Variants in PRPH2 observed in about 807,000 individuals in gnomAD.
The protein encoded by PRPH2 is peripherin 2, also known as peripherin-2.
Under a neutral mutation model 31.3 loss-of-function variants are expected in PRPH2, and 17 were observed. The ratio of observed to expected loss-of-function variants is 0.54; its 90% CI spans 0.37 to 0.81. The LOEUF (loss-of-function observed/expected upper bound fraction) is 0.81, where lower values mean the gene tolerates loss of function less well. Ranked by LOEUF, PRPH2 falls within the 40% of genes least tolerant of loss-of-function variation. The pLI, the probability that PRPH2 is intolerant of heterozygous loss-of-function variation, is 0.00. For synonymous variants in PRPH2, 165 were observed against 184.4 expected, an observed-to-expected ratio of 0.89 and a Z score of 0.85; for missense variants, 430 against 439.7, an observed-to-expected ratio of 0.98 and a Z score of 0.20.
chr6:42,715,478 C>T (rs1333346373), intron 1 of PRPH2, among the ~76,000 whole-genome samples: 1 of 152,034 alleles, frequency 6.6e-6, no homozygotes, highest in African/African-American at 2.4e-5. Context: ...CGAGGCCAGC[C>T]TGACCAACAT....
intron 2 of PRPH2, among the ~76,000 whole-genome samples, chr6:42,700,641 C>T (rs1351009142): frequency 6.6e-6 from 1 of 152,182 alleles, no homozygotes; most frequent in Non-Finnish European, 1.5e-5. Context: ...TTGATGTGAA[C>T]GCGTCCACTC....
At chr6:42,721,615 C>T (rs551940413) in intron 1 of PRPH2, 139 bp downstream of exon 1, 2 of 1,006,218 alleles carry the variant, frequency 2.0e-6, no homozygotes, top group Admixed American at 3.4e-5. Context: ...CTGATACACC[C>T]TCACATACGC....
chr6:42,703,993 G>A (rs934616071), intron 2 of PRPH2, among the ~76,000 whole-genome samples: 5 of 151,806 alleles, frequency 3.3e-5, no homozygotes, highest in East Asian at 1.9e-4. Context: ...CCCAGCTATC[G>A]GGAGGCTGAG....
At position 42,699,134 on chromosome 6, in the gene PRPH2, ACTCTAT is replaced by A. The variant is rs374787314; in HGVS notation, c.829-633_829-628del. ...GTGGCGTGGTCTCAGCTCACTACAA[ACTCTAT>A]CTCCTGTGTTCAAGGAATTCTCATG... is the stretch of plus-strand genomic sequence containing the variant. On this transcript the variant is annotated intron_variant, in intron 2 of 2. Transcript: ENST00000230381. Among the ~76,000 whole-genome samples, 67 of 148,666 alleles carry A rather than the reference ACTCTAT, an allele frequency of 4.5e-4. 1 individual carries two copies. Among genetic ancestry groups the A allele is most frequent in the African/African-American group, 1.6e-3 (63 of 40,290 alleles).
intron 1 of PRPH2, among the ~76,000 whole-genome samples, chr6:42,705,599 AATATATATATATATATATATAT>A (rs1194169404): frequency 7.4e-4 from 16 of 21,592 alleles, no homozygotes; most frequent in Admixed American, 1.9e-3. Context: ...AAAAAAAAAA[AATATATATATATATATATATAT>A]ATATATATAT....
intron 1 of PRPH2, among the ~76,000 whole-genome samples, chr6:42,711,647 C>CACAG (rs1047736264): frequency 6.6e-6 from 1 of 152,222 alleles, no homozygotes; most frequent in African/African-American, 2.4e-5. Context: ...GAAGGGGAGA[C>CACAG]ACAGCTCTCT....
chr6:42,702,342 C>A (rs985522856), intron 2 of PRPH2, among the ~76,000 whole-genome samples: 8 of 151,856 alleles, frequency 5.3e-5, no homozygotes, highest in African/African-American at 1.9e-4. Context: ...GATGCACTGG[C>A]TGATAGCATT....
chr6:42,715,311 G>A (rs1437949457), intron 1 of PRPH2, among the ~76,000 whole-genome samples: 1 of 152,102 alleles, frequency 6.6e-6, no homozygotes, highest in Non-Finnish European at 1.5e-5. Flanking sequence ...CCTCCCAAAT[G>A]ACTTGGCAAC....
rs1177186834 is a variant in PRPH2, at chr6:42,722,268, T to G, written c.67A>C (p.Met23Leu). 7 of 1,614,156 alleles carry G rather than the reference T, an allele frequency of 4.3e-6. No individual in the cohort carries two copies. Among genetic ancestry groups the G allele is most frequent in the Non-Finnish European group, 5.9e-6 (7 of 1,180,030 alleles). The change falls in exon 1 of 3, where the codon ATG (methionine) becomes CTG (leucine). Residue 23 changes from methionine (M) to leucine (L), a missense_variant. Met to Leu is a conservative substitution (Grantham distance 15). Transcript: ENST00000230381. This position sits in a 1 kb window ranked among gnomAD's most constrained non-coding sequence, Gnocchi z 4.4. The part of the protein sequence containing the change: ...RVKLAQGLWL[M>L]NWFSVLAGII... ...CCAGCCAACACGGAGAACCAGTTCATGAGCCAGAGCCCTTGGGCCAACTTG... is the reference window on the plus strand; with the variant it reads ...CCAGCCAACACGGAGAACCAGTTCAGGAGCCAGAGCCCTTGGGCCAACTTG...
intron 2 of PRPH2, among the ~76,000 whole-genome samples, chr6:42,701,682 A>ATTTTTTTTTTTT (rs70990127): frequency 0.037 from 2,877 of 78,356 alleles, 527 homozygotes; most frequent in African/African-American, 0.04. Context: ...ACGTCCAGCA[A>ATTTTTTTTTTTT]TTTTTTTTTT....
chr6:42,721,421 A>G (rs1194031684), intron 1 of PRPH2, among the ~76,000 whole-genome samples: 1 of 152,206 alleles, frequency 6.6e-6, no homozygotes, highest in African/African-American at 2.4e-5. Context: ...AATGACTTCC[A>G]TCCCTCTGTA....
intron 1 of PRPH2, among the ~76,000 whole-genome samples, chr6:42,713,694 G>A (rs565910295): frequency 2.6e-5 from 4 of 151,918 alleles, no homozygotes; most frequent in African/African-American, 9.7e-5. Context: ...GCCGAGGCAG[G>A]AAGATCACCT....
chr6:42,705,597 AAAATATATAT>A (rs1217822114), intron 1 of PRPH2, among the ~76,000 whole-genome samples: 1 of 2,820 alleles, frequency 3.5e-4, no homozygotes, highest in Non-Finnish European at 7.5e-4. Flanking sequence ...AAAAAAAAAA[AAAATATATAT>A]ATATATATAT....
At chr6:42,719,241 T>A (rs62416277) in intron 1 of PRPH2, among the ~76,000 whole-genome samples, 34,217 of 150,830 alleles carry the variant, frequency 0.23, 3,971 homozygotes, top group Middle Eastern at 0.27. Flanking sequence ...AGATCTCGGC[T>A]CACTGCAACC....
intron 1 of PRPH2, among the ~76,000 whole-genome samples, chr6:42,709,898 C>T (rs772918273): frequency 7.2e-5 from 11 of 152,170 alleles, no homozygotes; most frequent in Non-Finnish European, 1.5e-4. Context: ...AGGTACCTAC[C>T]AGGTGGCCCT....
chr6:42,712,402 A>G (rs1761683354), intron 1 of PRPH2, among the ~76,000 whole-genome samples: 1 of 152,226 alleles, frequency 6.6e-6, no homozygotes, highest in South Asian at 2.1e-4. Context: ...GCTTATGTTC[A>G]GCAGAAACAA....
At chr6:42,703,058 C>T (rs1800076333) in intron 2 of PRPH2, among the ~76,000 whole-genome samples, 1 of 151,730 alleles carries the variant, frequency 6.6e-6, no homozygotes, top group South Asian at 2.1e-4. Context: ...TTTTCAGCTA[C>T]TCTGCATGTG....
chr6:42,721,359 T>C (rs1386719039), intron 1 of PRPH2, among the ~76,000 whole-genome samples: 1 of 152,166 alleles, frequency 6.6e-6, no homozygotes, highest in Non-Finnish European at 1.5e-5. Flanking sequence ...TCCATCTACT[T>C]TGAATGAATG....
In PRPH2 at chr6:42,704,590, A is replaced by C; in HGVS notation, c.603T>G (p.Asp201Glu). The change falls in exon 2 of 3, where the codon GAT becomes GAG. Residue 201 changes from aspartate to glutamate, a missense_variant. Physicochemically the swap from Asp to Glu is conservative, Grantham distance 45. Transcript: ENST00000230381. ...EVKDRIKSNV[D>E]GRYLVDGVPF... is the part of the protein sequence containing the mutation. ...GGACGCCGTCCACCAGGTACCGCCC[A>C]TCCACGTTGCTCTTGATTCGACTTA... The C allele has an allele frequency of 6.2e-7, 1 of 1,614,182 alleles. No homozygotes were observed. Among genetic ancestry groups the C allele is most frequent in the Non-Finnish European group, 8.5e-7 (1 of 1,180,032 alleles).
Sources: allele counts gnomAD v4.1 joint callset (sites outside exome capture counted in the v4.1 genomes callset), GRCh38; gene constraint gnomAD v4.1.1; non-coding constraint Gnocchi (gnomAD v3.1); transcripts MANE v1.5; gene names NCBI Gene and HGNC (gene_info 2026-07-23, HGNC 2026-07-21).